The following CACNA1G variants were observed in gnomAD, a reference collection of about 807,000 sequenced individuals.
CACNA1G encodes calcium voltage-gated channel subunit alpha1 G.
CACNA1G carries 67 observed loss-of-function variants against 219.4 expected under a neutral mutation model. That is an observed-to-expected ratio of 0.31 (90% CI 0.25 to 0.37). The LOEUF (loss-of-function observed/expected upper bound fraction) is 0.37, where lower values mean the gene tolerates loss of function less well. Among genes scored for constraint, CACNA1G ranks in the 10% least tolerant of loss-of-function variants. The probability of loss-of-function intolerance (pLI) is 1.00; values close to 1 mark genes in which losing one functional copy is unlikely to be tolerated. For synonymous variants in CACNA1G, 1,296 were observed against 1,345.3 expected (o/e 0.96, Z 0.80); for missense variants, 2,380 against 3,231.4 (o/e 0.74, Z 6.39).
At chr17:50,606,865 G>A in intron 23 of CACNA1G, 35 bp from the exon 24 acceptor site, 1 of 1,510,822 alleles carries the variant, frequency 6.6e-7, no homozygotes, top group South Asian at 1.1e-5. Context: ...ACACATCCTA[G>A]ACTTCAAATG....
At chr17:50,619,955 C>G in intron 34 of CACNA1G, 129 bp downstream of exon 34, 1 of 957,376 alleles carries the variant, frequency 1.0e-6, no homozygotes, top group African/African-American at 1.7e-5. Flanking sequence ...GCCTTGGAGC[C>G]TCAGTTGAGT....
intron 8 of CACNA1G, among the ~76,000 whole-genome samples, chr17:50,577,723 C>T (rs2041019703): frequency 6.6e-6 from 1 of 151,654 alleles, no homozygotes; most frequent in South Asian, 2.1e-4. Flanking sequence ...TACATGTGTA[C>T]ACGAGTGTGC....
chr17:50,609,228 C>T (rs1023348013), intron 25 of CACNA1G, among the ~76,000 whole-genome samples: 3 of 151,884 alleles, frequency 2.0e-5, no homozygotes, highest in South Asian at 2.1e-4. Context: ...GAGTTGCAGA[C>T]GAGGGTGGAG....
Position 50,602,824 on chromosome 17 carries a change from G to A in CACNA1G, c.3920G>A (p.Arg1307His). 4 of 1,613,660 alleles carry A rather than the reference G, an allele frequency of 2.5e-6. No homozygotes were observed. Among genetic ancestry groups the A allele is most frequent in the Non-Finnish European group, 3.4e-6 (4 of 1,179,744 alleles). The change falls in exon 20 of 38, where the codon CGC (arginine) becomes CAC (histidine). Residue 1307 changes from arginine to histidine, a missense_variant. Physicochemically the swap from Arg to His is conservative, Grantham distance 29 (BLOSUM62 0). This residue lies in a region of CACNA1G where 153 missense variants were observed against 374.9 expected (regional missense o/e 0.41). Coordinates refer to ENST00000359106, the MANE Select transcript of CACNA1G (RefSeq NM_018896.5). ...CCTGCCTCCCCTCTCTTGCAGGAAC[G>A]CATCTTCCTGACCCTCTCCAATTAC... ...RPKIDPHSAE[R>H]IFLTLSNYIF...
intron 37 of CACNA1G, among the ~76,000 whole-genome samples, chr17:50,625,428 GCC>G (rs2053508707): frequency 6.6e-6 from 1 of 152,228 alleles, no homozygotes; most frequent in Non-Finnish European, 1.5e-5. Context: ...CACAGCCCCT[GCC>G]CCCTGAAGCT....
intron 9 of CACNA1G, among the ~76,000 whole-genome samples, chr17:50,581,249 C>A (rs138757075): frequency 1.3e-5 from 2 of 151,436 alleles, no homozygotes; most frequent in Non-Finnish European, 2.9e-5. Flanking sequence ...AGACAGAGAC[C>A]GAGTCCCAGA....
At chr17:50,586,395 C>G (rs940300897) in intron 9 of CACNA1G, among the ~76,000 whole-genome samples, 3 of 152,224 alleles carry the variant, frequency 2.0e-5, no homozygotes, top group African/African-American at 7.2e-5. Flanking sequence ...TGGTTCTGCA[C>G]TGTGCCCTGC....
chr17:50,587,165 G>A (rs902923753), intron 9 of CACNA1G, among the ~76,000 whole-genome samples: 5 of 152,136 alleles, frequency 3.3e-5, no homozygotes, highest in African/African-American at 9.7e-5. Flanking sequence ...TGGTGGGGGC[G>A]ATGTTGTGGA....
rs2046230576 is a variant in CACNA1G at position 50,599,718 on chromosome 17, G to A, written c.3549G>A (p.Leu1183=). Residue 1183 remains leucine, a synonymous_variant, in exon 17 of 38, where the codon CTG becomes CTA. Transcript: ENST00000359106. The stretch of plus-strand genomic sequence containing the variant: ...CAGACACACTGCAGGTGCCAGGGCT[G>A]CATCGCACTGCCAGTGGCCGAGGGT... ...DLPDTLQVPG[L]HRTASGRGSA... 6.2e-7 allele frequency: 1 copy of A among 1,613,516 alleles called. No individual in the cohort carries two copies. Among genetic ancestry groups the A allele is most frequent in the Admixed American group, 1.7e-5 (1 of 59,972 alleles).
At chr17:50,611,271 A>C (rs1311548649) in intron 26 of CACNA1G, among the ~76,000 whole-genome samples, 1 of 125,458 alleles carries the variant, frequency 8.0e-6, no homozygotes, top group Non-Finnish European at 1.7e-5. Context: ...AAAAAAAAAA[A>C]GAGAGAGAGA....
Position 50,627,285 on chromosome 17 carries a change from A to G in CACNA1G, c.*534A>G. Reference sequence around the variant, plus strand: ...GGCCCATCTTCAGCGGAGAGCGAGAACCATTTTGGAAACTGTAATGTAACT... The same window carrying G: ...GGCCCATCTTCAGCGGAGAGCGAGAGCCATTTTGGAAACTGTAATGTAACT... On this transcript the variant is annotated 3_prime_UTR_variant, in exon 38 of 38. Transcript: ENST00000359106. 2.2e-6 allele frequency: 1 copy of G among 451,206 alleles called. No individual in the cohort carries two copies. The allele number at this position is 451,206 out of a possible 1,614,324, so 28.0% of individuals were successfully genotyped here.
Position 50,626,064 on chromosome 17 carries a change from G to T in CACNA1G, c.6447G>T (p.Arg2149=). Residue 2149 remains arginine (R), a synonymous_variant, in exon 38 of 38, where the codon CGG becomes CGT. Coordinates refer to ENST00000359106, the MANE Select transcript of CACNA1G (RefSeq NM_018896.5). The surrounding 1 kb of genome is among the most constrained non-coding windows in gnomAD (Gnocchi z 4.3). ...TGGACGTTCAGGGTCTGGGCAGCCG[G>T]GAAGACCTGCTGGCAGAGGTGAGTG... ...DSLDVQGLGS[R]EDLLAEVSGP... is the part of the protein sequence containing the mutation. The T allele has an allele frequency of 6.2e-7, 1 of 1,613,458 alleles. No individual in the cohort carries two copies. Among genetic ancestry groups the T allele is most frequent in the Non-Finnish European group, 8.5e-7 (1 of 1,179,750 alleles).
In CACNA1G at chr17:50,626,683, C is replaced by T. The variant is rs200980376; in HGVS notation, c.7066C>T (p.Pro2356Ser). 746 of 1,613,226 alleles carry T rather than the reference C, an allele frequency of 4.6e-4. No homozygotes were observed. The highest frequency in any genetic ancestry group is 5.8e-4 in the Non-Finnish European group (690 of 1,179,824). ...SGPPDSMAAS[P>S]SPKKDVLSLS... ...CCCCCCTGACAGCATGGCTGCCTCG[C>T]CCTCCCCAAAGAAAGATGTGCTGAG... Residue 2356 changes from proline (P) to serine (S), a missense_variant, in exon 38 of 38, where the codon CCC becomes TCC. By Grantham distance (74) the Pro-to-Ser change is moderately conservative. Around this residue, in one of 17 missense-constraint regions of CACNA1G, gnomAD observed 672 missense variants for 670.5 expected, o/e 1.00. Coordinates refer to ENST00000359106, the MANE Select transcript of CACNA1G (RefSeq NM_018896.5). This position sits in a 1 kb window ranked among gnomAD's most constrained non-coding sequence, Gnocchi z 4.3.
chr17:50,615,104 G>A (rs764611509), intron 26 of CACNA1G, among the ~76,000 whole-genome samples: 99 of 152,216 alleles, frequency 6.5e-4, no homozygotes, highest in Non-Finnish European at 5.1e-4. Flanking sequence ...CTCACCTGGC[G>A]TCTAATGTAG....
chr17:50,594,885 G>A, intron 13 of CACNA1G, 108 bp from the exon 14 acceptor site: 1 of 736,122 alleles, frequency 1.4e-6, no homozygotes, highest in Non-Finnish European at 2.3e-6. Context: ...CCCCTGCTGT[G>A]GGGTTTGCGC....
rs1354835683 is a variant in CACNA1G at position 50,569,797 on chromosome 17, G to T, written c.580G>T (p.Val194Leu). ...VLRPLRAINRVPSMRILVTLL... is the reference protein window; with the variant it reads ...VLRPLRAINRLPSMRILVTLL... Reference sequence around the variant, plus strand: ...GCGACCGCTCAGGGCCATTAACCGGGTGCCCAGTGAGTGACCCCTCAGCCC... The same window carrying T: ...GCGACCGCTCAGGGCCATTAACCGGTTGCCCAGTGAGTGACCCCTCAGCCC... The change falls in exon 4 of 38, where the codon GTG becomes TTG. Residue 194 changes from valine to leucine, a missense_variant. This residue lies in a region of CACNA1G where 56 missense variants were observed against 135.8 expected (regional missense o/e 0.41). Transcript: ENST00000359106. The T allele has an allele frequency of 1.3e-6, 2 of 1,549,874 alleles. No individual in the cohort carries two copies.
chr17:50,607,019 T>C, intron 24 of CACNA1G, 30 bp downstream of exon 24: 1 of 1,540,684 alleles, frequency 6.5e-7, no homozygotes, highest in African/African-American at 1.4e-5. Context: ...GATCCATCTG[T>C]GGGCTCAGGT....
chr17:50,587,247 G>T (rs963781520), intron 9 of CACNA1G, among the ~76,000 whole-genome samples: 2 of 152,166 alleles, frequency 1.3e-5, no homozygotes, highest in African/African-American at 4.8e-5. Context: ...GGAGGGTGAT[G>T]TGACCTCCAT....
At position 50,624,365 on chromosome 17, in the gene CACNA1G, G is replaced by T. The variant is rs760269730; in HGVS notation, c.6235G>T (p.Val2079Phe). ...WGLPKAQSGS[V>F]LSVHSQPADT... is the part of the protein sequence containing the mutation. Reference sequence around the variant, plus strand: ...CCGCTTCCCTCCCTCCACAGGCTCCGTCTTGTCCGTTCACTCCCAGCCAGC... The same window carrying T: ...CCGCTTCCCTCCCTCCACAGGCTCCTTCTTGTCCGTTCACTCCCAGCCAGC... The change falls in exon 37 of 38, where the codon GTC becomes TTC. Residue 2079 changes from valine to phenylalanine, a missense_variant. Transcript: ENST00000359106. 1 of 934,266 alleles carries T rather than the reference G, an allele frequency of 1.1e-6. No homozygotes were observed. The allele number at this position is 934,266 out of a possible 1,614,324, so 57.9% of individuals were successfully genotyped here.
Sources: gnomAD v4.1 joint callset for allele counts (sites outside exome capture counted in the v4.1 genomes callset) on GRCh38, gnomAD v4.1.1 for gene constraint, gnomAD v4.1.1 regional missense constraint, Gnocchi (gnomAD v3.1) non-coding constraint, MANE v1.5 for transcripts, NCBI Gene and HGNC (gene_info 2026-07-23, HGNC 2026-07-21) for gene names.